The following DGKD variants were observed in gnomAD, a reference collection of about 807,000 sequenced individuals.
DGKD encodes DAG kinase delta.
DGKD carries 68 observed loss-of-function variants against 154.4 expected under a neutral mutation model. The ratio of observed to expected loss-of-function variants is 0.44; its 90% confidence interval spans 0.36 to 0.54. DGKD has a LOEUF of 0.54. DGKD is among the 20% of genes least tolerant of loss of function. The probability of loss-of-function intolerance (pLI) is 0.00; values close to 1 mark genes in which losing one functional copy is unlikely to be tolerated. For missense variants in DGKD, 1,343 were observed against 1,593.6 expected, an observed-to-expected ratio of 0.84 and a Z score of 2.68; for synonymous variants, 693 against 638.0, an observed-to-expected ratio of 1.09 and a Z score of -1.30.
rs2063147427 is a variant in DGKD, at chr2:233,448,165, G to A, written c.1498G>A (p.Val500Ile). 2 of 1,614,192 alleles carry A rather than the reference G, an allele frequency of 1.2e-6. No homozygotes were observed. The highest frequency in any genetic ancestry group is 1.1e-5 in the South Asian group (1 of 91,078). Residue 500 changes from valine (V) to isoleucine (I), a missense_variant, in exon 13 of 30, where the codon GTC becomes ATC. Physicochemically the swap from Val to Ile is conservative, Grantham distance 29. Around this residue, in one of 6 missense-constraint regions of DGKD, gnomAD observed 409 missense variants for 446.0 expected, o/e 0.92. Coordinates refer to ENST00000264057, the MANE Select transcript of DGKD (RefSeq NM_152879.3). ...CCTCACCTCGGACCAGCACTCGGTG[G>A]TCATCTCCTCGGCCAAGTGAGTGCC... Reference protein sequence around the residue: ...KILTSDQHSVVISSAKVLCET... With the variant: ...KILTSDQHSVIISSAKVLCET...
chr2:233,427,506 A>AT (rs957248310), intron 3 of DGKD, among the ~76,000 whole-genome samples: 2 of 151,814 alleles, frequency 1.3e-5, no homozygotes, highest in African/African-American at 4.8e-5. Context: ...ACGTCCAGCT[A>AT]TTTTTTGTAT....
chr2:233,385,826 T>G (rs1337774513), intron 1 of DGKD: 1 of 391,380 alleles, frequency 2.6e-6, no homozygotes, highest in Non-Finnish European at 5.2e-6. Context: ...GAAATGCAGT[T>G]TCTGAGAAGG....
chr2:233,445,805 G>A lies in DGKD; in HGVS notation c.1334+43G>A. The A allele has an allele frequency of 6.4e-7, 1 of 1,550,438 alleles. No homozygotes were observed. Among genetic ancestry groups the A allele is most frequent in the Non-Finnish European group, 8.7e-7 (1 of 1,145,314 alleles). ...CCGGTGCCGTATGAGGAGACTTTGA[G>A]AGACAGGTCCCTTTGACCAGGTGTT... On this transcript the variant is annotated intron_variant, in intron 11 of 29. Transcript: ENST00000264057. The surrounding 1 kb of genome is among the most constrained non-coding windows in gnomAD (Gnocchi z 5.5).
intron 3 of DGKD, among the ~76,000 whole-genome samples, chr2:233,434,165 A>G (rs535322056): frequency 1.3e-5 from 2 of 152,378 alleles, no homozygotes; most frequent in East Asian, 1.9e-4. Context: ...TGATGAATAT[A>G]TAAAAACTAA....
intron 27 of DGKD, among the ~76,000 whole-genome samples, chr2:233,466,833 C>A (rs187140666): frequency 6.6e-6 from 1 of 152,206 alleles, no homozygotes; most frequent in African/African-American, 2.4e-5. Context: ...GAGAAACGCA[C>A]ATGTAAAGTG....
intron 1 of DGKD, among the ~76,000 whole-genome samples, chr2:233,370,913 G>C (rs919406301): frequency 6.6e-6 from 1 of 151,882 alleles, no homozygotes; most frequent in Admixed American, 6.6e-5. Flanking sequence ...CACCATGCCT[G>C]GCTAATTTTT....
intron 27 of DGKD, 87 bp from the exon 28 acceptor site, chr2:233,466,999 T>C (rs1399373192): frequency 9.4e-7 from 1 of 1,069,210 alleles, no homozygotes; most frequent in East Asian, 2.4e-5. Context: ...CAGCCCTGCC[T>C]GCCCTCCCAG....
At chr2:233,409,045 C>G (rs2061757106) in intron 3 of DGKD, 1 of 152,240 alleles carries the variant, frequency 6.6e-6, no homozygotes, top group Non-Finnish European at 1.5e-5. Context: ...TTCTGGCAGC[C>G]TGGCTGGTGA....
chr2:233,435,894 C>A lies in DGKD; in HGVS notation c.663C>A (p.Ile221=). The change falls in exon 6 of 30, where the codon ATC becomes ATA. Residue 221 remains isoleucine (I), a synonymous_variant. Transcript: ENST00000264057. The part of the protein sequence containing the change: ...NNCKWTTLAS[I]GKDIIEDADG... ...GCAAGTGGACCACACTGGCCTCGATCGGGAAGGACATCATTGAAGATGCAG... is the reference window on the plus strand; with the variant it reads ...GCAAGTGGACCACACTGGCCTCGATAGGGAAGGACATCATTGAAGATGCAG... 1.9e-6 allele frequency: 3 copies of A among 1,611,522 alleles called. No homozygotes were observed. The highest frequency in any genetic ancestry group is 2.5e-6 in the Non-Finnish European group (3 of 1,178,870).
chr2:233,367,847 T>C (rs1702107200), intron 1 of DGKD, among the ~76,000 whole-genome samples: 1 of 108,430 alleles, frequency 9.2e-6, no homozygotes, highest in Middle Eastern at 4.5e-3. Context: ...CCTCTTTTTT[T>C]TTTCTTTTTT....
intron 8 of DGKD, 40 bp downstream of exon 8, chr2:233,437,519 C>T: frequency 6.4e-7 from 1 of 1,572,920 alleles, no homozygotes. Context: ...TGCACGCCCA[C>T]ACGCTTCCTT....
rs1316655057 is a variant in DGKD, at chr2:233,440,876, G to A, written c.1086-1011G>A. Among the ~76,000 whole-genome samples the A allele has an allele frequency of 2.6e-5, 4 of 152,192 alleles. No homozygotes were observed. The highest frequency in any genetic ancestry group is 9.7e-5 in the African/African-American group (4 of 41,446). On this transcript the variant is annotated intron_variant, in intron 9 of 29. Transcript: ENST00000264057. The surrounding 1 kb of genome is among the most constrained non-coding windows in gnomAD (Gnocchi z 4.9). ...TGGGACTCTGCGAGAGCACGGTGGT[G>A]ACCTGAGCGGGTGGCTGGGTTGGGT...
In DGKD at chr2:233,459,247, C is replaced by A. The variant is rs1367917808; in HGVS notation, c.2695-510C>A. Among the ~76,000 whole-genome samples, 1 of 152,126 alleles carries A rather than the reference C, an allele frequency of 6.6e-6. No homozygotes were observed. The highest frequency in any genetic ancestry group is 1.5e-5 in the Non-Finnish European group (1 of 68,030). On this transcript the variant is annotated intron_variant, in intron 22 of 29. Transcript: ENST00000264057. This position sits in a 1 kb window ranked among gnomAD's most constrained non-coding sequence, Gnocchi z 5.7. ...TGCTGATGACACCCACTGGCTGAACCCCACCCTGCGACTGTCTGGTGTCTT... is the reference window on the plus strand; with the variant it reads ...TGCTGATGACACCCACTGGCTGAACACCACCCTGCGACTGTCTGGTGTCTT...
intron 3 of DGKD, among the ~76,000 whole-genome samples, chr2:233,409,775 TC>T (rs1308762825): frequency 1.4e-5 from 2 of 138,714 alleles, no homozygotes; most frequent in Admixed American, 1.5e-4. Context: ...AAACATGTGA[TC>T]CCCCCATACC....
Position 233,464,280 on chromosome 2 carries a change from A to C in DGKD, c.3303A>C (p.Glu1101Asp). ...GCCAGTCCGCAGAGCCCGGCGACGA[A>C]GAGGTATGTGGCTCATAGGGCTGTG... ...WLCQSAEPGD[E>D]ESVMLDLAKR... The change falls in exon 27 of 30, where the codon GAA (glutamate) becomes GAC (aspartate). Residue 1101 changes from glutamate to aspartate, a missense_variant. Physicochemically the swap from Glu to Asp is conservative, Grantham distance 45. Around this residue, in one of 6 missense-constraint regions of DGKD, gnomAD observed 429 missense variants for 496.3 expected, o/e 0.86. Coordinates refer to ENST00000264057, the MANE Select transcript of DGKD (RefSeq NM_152879.3). 6.2e-7 allele frequency: 1 copy of C among 1,613,594 alleles called. No individual in the cohort carries two copies. Among genetic ancestry groups the C allele is most frequent in the Non-Finnish European group, 8.5e-7 (1 of 1,179,994 alleles).
At chr2:233,371,392 GTCT>G (rs1702314968) in intron 1 of DGKD, among the ~76,000 whole-genome samples, 1 of 152,082 alleles carries the variant, frequency 6.6e-6, no homozygotes, top group African/African-American at 2.4e-5. Context: ...CAATCGGGTT[GTCT>G]TCTTGTTGTT....
At chr2:233,378,582 T>C (rs763454282) in intron 1 of DGKD, among the ~76,000 whole-genome samples, 18 of 152,172 alleles carry the variant, frequency 1.2e-4, no homozygotes, top group Non-Finnish European at 1.8e-4. Context: ...ATGGTGCAAA[T>C]AGTATTTTCA....
At chr2:233,362,681 C>A (rs1000305888) in intron 1 of DGKD, among the ~76,000 whole-genome samples, 1 of 152,060 alleles carries the variant, frequency 6.6e-6, no homozygotes, top group Non-Finnish European at 1.5e-5. Flanking sequence ...AAAAGTAATA[C>A]CTGAGAATTT....
intron 1 of DGKD, among the ~76,000 whole-genome samples, chr2:233,387,525 G>A (rs1575017001): frequency 6.6e-6 from 1 of 152,328 alleles, no homozygotes; most frequent in African/African-American, 2.4e-5. Flanking sequence ...CATGGGCTGC[G>A]TAAGGCGGGA....
Sources: allele counts gnomAD v4.1 joint callset (sites outside exome capture counted in the v4.1 genomes callset), GRCh38; gene constraint gnomAD v4.1.1; regional missense constraint gnomAD v4.1.1; non-coding constraint Gnocchi (gnomAD v3.1); transcripts MANE v1.5; gene names NCBI Gene and HGNC (gene_info 2026-07-23, HGNC 2026-07-21).